The following NEK10 variants were observed in gnomAD, a reference collection of about 807,000 sequenced individuals.
NEK10 encodes serine/threonine-protein kinase Nek10.
NEK10 carries 122 observed loss-of-function variants against 159.8 expected under a neutral mutation model. The ratio of observed to expected loss-of-function variants is 0.76; its 90% CI spans 0.66 to 0.89. NEK10 has a LOEUF of 0.89. NEK10 is among the 40% of genes least tolerant of loss of function. NEK10 has a pLI of 0.00. For missense variants in NEK10, 1,342 were observed against 1,323.1 expected, an observed-to-expected ratio of 1.01 and a Z score of -0.22; for synonymous variants, 466 against 457.1, an observed-to-expected ratio of 1.02 and a Z score of -0.25.
chr3:27,138,016 T>G (rs1423144852), intron 31 of NEK10, among the ~76,000 whole-genome samples: 1 of 152,340 alleles, frequency 6.6e-6, no homozygotes, highest in East Asian at 1.9e-4. Flanking sequence ...AGCAGGATGC[T>G]AAGCTCTATC....
rs1372743826 is a variant in NEK10, at chr3:27,109,754, G to A, written c.*1518C>T. On this transcript the variant is annotated 3_prime_UTR_variant, in exon 36 of 36. Transcript: ENST00000691995. The stretch of plus-strand genomic sequence containing the variant: ...CAATATCATAGCATTTTGATTTTAT[G>A]AATTTCACATATGGATAGAATTAGT... Among the ~76,000 whole-genome samples, 1 of 152,116 alleles carries A rather than the reference G, an allele frequency of 6.6e-6. No homozygotes were observed. The highest frequency in any genetic ancestry group is 1.5e-5 in the Non-Finnish European group (1 of 68,020).
At chr3:27,286,120 C>G (rs1481538515) in intron 20 of NEK10, among the ~76,000 whole-genome samples, 4 of 110,064 alleles carry the variant, frequency 3.6e-5, no homozygotes, top group Admixed American at 1.3e-4. Context: ...GAGTCTCACT[C>G]TGTTGCCCAG....
At chr3:27,352,774 C>CT (rs1261981327) in intron 2 of NEK10, 38 bp downstream of exon 2, 1 of 1,409,718 alleles carries the variant, frequency 7.1e-7, no homozygotes, top group Admixed American at 1.7e-5. Context: ...TGGCCACTGC[C>CT]TGAGTTAACA....
intron 30 of NEK10, among the ~76,000 whole-genome samples, chr3:27,153,707 A>G (rs1189433945): frequency 6.6e-6 from 1 of 152,250 alleles, no homozygotes; most frequent in African/African-American, 2.4e-5. Flanking sequence ...CTGAATGAGC[A>G]ATGGGTCAGA....
intron 23 of NEK10, among the ~76,000 whole-genome samples, chr3:27,255,511 AAT>A (rs988115486): frequency 9.2e-5 from 14 of 152,236 alleles, no homozygotes; most frequent in African/African-American, 3.1e-4. Flanking sequence ...TTTAAAAAAA[AAT>A]AAAAGTGTCT....
intron 1 of NEK10, among the ~76,000 whole-genome samples, chr3:27,354,166 T>C (rs1190321648): frequency 6.6e-6 from 1 of 152,126 alleles, no homozygotes; most frequent in Non-Finnish European, 1.5e-5. Context: ...CTACAGACTA[T>C]AGTTTAGAAG....
chr3:27,219,109 C>T (rs1346271116), intron 23 of NEK10, among the ~76,000 whole-genome samples: 4 of 152,132 alleles, frequency 2.6e-5, no homozygotes, highest in Admixed American at 2.6e-4. Context: ...TAAGTCTTTC[C>T]AAAACTTAAA....
At position 27,322,315 on chromosome 3, in the gene NEK10, T is replaced by C. The variant is rs972629213; in HGVS notation, c.363-54A>G. ...CACGTTTAAAATCCCAGTGTGGCAA[T>C]TCATAAAAATGCAAGGCTATGAAGG... On this transcript the variant is annotated intron_variant, in intron 5 of 35. Transcript: ENST00000691995. 17 of 1,064,064 alleles carry C rather than the reference T, an allele frequency of 1.6e-5. No individual in the cohort carries two copies. In the African/African-American group the frequency reaches 2.7e-4, roughly 17 times the overall value. The allele number at this position is 1,064,064 out of a possible 1,614,324, so 65.9% of individuals were successfully genotyped here.
chr3:27,183,150 T>C (rs911682436), intron 26 of NEK10, among the ~76,000 whole-genome samples: 1 of 151,996 alleles, frequency 6.6e-6, no homozygotes, highest in Admixed American at 6.6e-5. Flanking sequence ...ATTTGATCAT[T>C]AAACATTTTA....
intron 23 of NEK10, 54 bp from the exon 24 acceptor site, chr3:27,202,611 A>C: frequency 1.4e-6 from 2 of 1,416,014 alleles, no homozygotes; most frequent in Non-Finnish European, 1.9e-6. Context: ...ATCCGCTCAG[A>C]AAGATCCAAT....
At chr3:27,274,292 A>G (rs1174054592) in intron 22 of NEK10, among the ~76,000 whole-genome samples, 1 of 152,178 alleles carries the variant, frequency 6.6e-6, no homozygotes, top group Non-Finnish European at 1.5e-5. Context: ...TCATGATGAA[A>G]AATTCAACAC....
At chr3:27,297,986 T>C (rs2043488830) in intron 13 of NEK10, among the ~76,000 whole-genome samples, 1 of 152,228 alleles carries the variant, frequency 6.6e-6, no homozygotes, top group East Asian at 1.9e-4. Context: ...ATTGATACCA[T>C]GATTATCATC....
intron 23 of NEK10, among the ~76,000 whole-genome samples, chr3:27,230,633 C>T (rs1398255325): frequency 2.0e-5 from 3 of 151,812 alleles, no homozygotes; most frequent in Admixed American, 6.6e-5. Flanking sequence ...ACTCACCTAA[C>T]ACATAAGGAT....
chr3:27,212,053 C>G (rs994935908), intron 23 of NEK10, among the ~76,000 whole-genome samples: 1 of 152,092 alleles, frequency 6.6e-6, no homozygotes, highest in Non-Finnish European at 1.5e-5. Flanking sequence ...CTAAAAATAC[C>G]TTTGTGACAG....
chr3:27,226,568 C>A (rs1247197835), intron 23 of NEK10, among the ~76,000 whole-genome samples: 4 of 152,280 alleles, frequency 2.6e-5, no homozygotes, highest in African/African-American at 9.6e-5. Context: ...AACTCTGGGT[C>A]ACCTCTTTCT....
chr3:27,197,844 C>T (rs111883567), intron 25 of NEK10, among the ~76,000 whole-genome samples: 8 of 151,522 alleles, frequency 5.3e-5, no homozygotes, highest in African/African-American at 7.3e-5. Flanking sequence ...ATGTGCACAA[C>T]GTGCAGGTTA....
intron 22 of NEK10, among the ~76,000 whole-genome samples, chr3:27,258,208 C>G (rs553480981): frequency 4.0e-5 from 6 of 151,860 alleles, no homozygotes; most frequent in Non-Finnish European, 8.8e-5. Context: ...ATGCAAATGT[C>G]ATGTATGTAT....
intron 26 of NEK10, among the ~76,000 whole-genome samples, chr3:27,187,372 C>A (rs1948715688): frequency 6.6e-6 from 1 of 152,160 alleles, no homozygotes; most frequent in Non-Finnish European, 1.5e-5. Context: ...CTACTACTAC[C>A]ATTTTCTGCT....
At chr3:27,324,813 T>C (rs1057047299) in intron 5 of NEK10, among the ~76,000 whole-genome samples, 1 of 152,154 alleles carries the variant, frequency 6.6e-6, no homozygotes, top group African/African-American at 2.4e-5. Flanking sequence ...GTCCATACCA[T>C]GACTCATAGG....
Sources: allele counts gnomAD v4.1 joint callset (sites outside exome capture counted in the v4.1 genomes callset), GRCh38; gene constraint gnomAD v4.1.1; transcripts MANE v1.5; gene names NCBI Gene and HGNC (gene_info 2026-07-23, HGNC 2026-07-21).